The following PPM1E variants were observed in gnomAD, a reference collection of about 807,000 sequenced individuals.
PPM1E encodes protein phosphatase 1E.
In PPM1E, 20 loss-of-function variants were observed where a neutral mutation model predicts 65.9. The observed-to-expected ratio is 0.30, with a 90% CI of 0.21 to 0.44. The LOEUF is 0.44. Among genes scored for constraint, PPM1E ranks in the 20% least tolerant of loss-of-function variants. The pLI is 1.00. For missense variants in PPM1E, 713 were observed against 953.1 expected (o/e 0.75, Z 3.32); for synonymous variants, 352 against 374.9 (o/e 0.94, Z 0.70).
intron 1 of PPM1E, chr17:58,951,490 G>A (rs1029827078): frequency 6.6e-6 from 1 of 151,996 alleles, no homozygotes; most frequent in Non-Finnish European, 1.5e-5. Flanking sequence ...ACCAGTCTGG[G>A]CAACATGGTG....
At chr17:58,918,805 CAAAAAAAAA>C (rs71143301) in intron 1 of PPM1E, among the ~76,000 whole-genome samples, 5 of 75,822 alleles carry the variant, frequency 6.6e-5, no homozygotes, top group African/African-American at 2.2e-4. Context: ...GACTCCGTCT[CAAAAAAAAA>C]AAAAAAAAAA....
At chr17:58,823,710 G>A (rs1199157493) in intron 1 of PPM1E, among the ~76,000 whole-genome samples, 1 of 152,036 alleles carries the variant, frequency 6.6e-6, no homozygotes, top group Admixed American at 6.6e-5. Flanking sequence ...AAATATGGAC[G>A]AGGTGCAGAA....
At chr17:58,941,026 G>A (rs1234801520) in intron 1 of PPM1E, among the ~76,000 whole-genome samples, 1 of 152,088 alleles carries the variant, frequency 6.6e-6, no homozygotes, top group Non-Finnish European at 1.5e-5. Flanking sequence ...CATTTTTAAT[G>A]TAAATTTAAA....
chr17:58,826,808 T>A (rs1038062498), intron 1 of PPM1E, among the ~76,000 whole-genome samples: 4 of 152,014 alleles, frequency 2.6e-5, no homozygotes, highest in Admixed American at 1.3e-4. Flanking sequence ...TTTTTGTATT[T>A]TTAGTAGAGA....
intron 1 of PPM1E, among the ~76,000 whole-genome samples, chr17:58,830,594 C>T (rs1433161758): frequency 6.6e-6 from 1 of 152,130 alleles, no homozygotes; most frequent in East Asian, 1.9e-4. Flanking sequence ...GTGTGAACCA[C>T]TGCGCCCAGC....
chr17:58,871,077 C>G (rs898634349), intron 1 of PPM1E, among the ~76,000 whole-genome samples: 1 of 152,102 alleles, frequency 6.6e-6, no homozygotes. Context: ...CTCTGTCACC[C>G]AGGCTAGAGT....
In PPM1E at chr17:58,806,802, C is replaced by T. The variant is rs527282496; in HGVS notation, c.464+50341C>T. On this transcript the variant is annotated intron_variant, in intron 1 of 6. Transcript: ENST00000308249. ...GCAACCTCCACCTCCTGGGTTCAAGCGATTCTCCTGCCTCAGCCTCCAGAG... is the reference window on the plus strand; with the variant it reads ...GCAACCTCCACCTCCTGGGTTCAAGTGATTCTCCTGCCTCAGCCTCCAGAG... 3.1e-4 allele frequency among the ~76,000 whole-genome samples: 47 copies of T among 149,686 alleles called. 1 individual carries two copies. The East Asian group carries it at 8.3e-3, about 26-fold the overall frequency.
intron 1 of PPM1E, among the ~76,000 whole-genome samples, chr17:58,851,691 A>G (rs940792170): frequency 1.3e-4 from 20 of 152,220 alleles, no homozygotes; most frequent in African/African-American, 4.8e-4. Flanking sequence ...GTTGGCCCCT[A>G]CTGGGAGATG....
At chr17:58,891,506 G>T (rs1187511445) in intron 1 of PPM1E, among the ~76,000 whole-genome samples, 1 of 151,770 alleles carries the variant, frequency 6.6e-6, no homozygotes, top group African/African-American at 2.4e-5. Context: ...TATTTTTTTA[G>T]TAGAGACGGG....
chr17:58,787,576 C>T (rs1303697994), intron 1 of PPM1E, among the ~76,000 whole-genome samples: 1 of 152,020 alleles, frequency 6.6e-6, no homozygotes, highest in African/African-American at 2.4e-5. Context: ...AGAGAGTATA[C>T]ATAACCATAC....
At chr17:58,775,078 C>G (rs2049980450) in intron 1 of PPM1E, among the ~76,000 whole-genome samples, 1 of 152,100 alleles carries the variant, frequency 6.6e-6, no homozygotes, top group East Asian at 1.9e-4. Context: ...CTTGTGATCT[C>G]TTGATCACGT....
At chr17:58,900,446 C>G (rs1461413447) in intron 1 of PPM1E, among the ~76,000 whole-genome samples, 1 of 152,174 alleles carries the variant, frequency 6.6e-6, no homozygotes, top group Non-Finnish European at 1.5e-5. Context: ...TCTGAAGGCT[C>G]AGATGATTGT....
intron 1 of PPM1E, among the ~76,000 whole-genome samples, chr17:58,765,881 T>TG (rs1169106857): frequency 4.7e-5 from 7 of 149,550 alleles, no homozygotes; most frequent in Non-Finnish European, 1.0e-4. Flanking sequence ...TAGTTTCTTT[T>TG]TTTTTTTTTT....
At chr17:58,964,030 A>C (rs1218046406) in intron 2 of PPM1E, among the ~76,000 whole-genome samples, 2 of 152,262 alleles carry the variant, frequency 1.3e-5, no homozygotes, top group African/African-American at 4.8e-5. Context: ...TTTGAATACG[A>C]AAAGAGGTAA....
chr17:58,929,227 C>G (rs1336278745), intron 1 of PPM1E, among the ~76,000 whole-genome samples: 2 of 151,864 alleles, frequency 1.3e-5, no homozygotes, highest in Non-Finnish European at 2.9e-5. Context: ...CTATATGAAT[C>G]CATTCATACG....
intron 1 of PPM1E, among the ~76,000 whole-genome samples, chr17:58,946,589 G>A (rs1386938765): frequency 6.6e-6 from 1 of 152,220 alleles, no homozygotes; most frequent in East Asian, 1.9e-4. Flanking sequence ...CCAATTAGCT[G>A]GGACTACAGG....
chr17:58,842,713 T>G (rs1330607803), intron 1 of PPM1E, among the ~76,000 whole-genome samples: 2 of 133,610 alleles, frequency 1.5e-5, no homozygotes, highest in Non-Finnish European at 3.3e-5. Context: ...CCAAGGCGGG[T>G]GGATCACTTG....
rs536272356 is a variant in PPM1E, at chr17:58,919,551, C to T, written c.465-36098C>T. Among the ~76,000 whole-genome samples, 283 of 152,046 alleles carry T rather than the reference C, an allele frequency of 1.9e-3. 1 individual carries two copies. Among genetic ancestry groups the T allele is most frequent in the African/African-American group, 6.2e-3 (256 of 41,452 alleles). ...CTGTAATCCCAGCACTTTGGGAGGC[C>T]GAGATGGGAGGATCACCTGAGATCG... On this transcript the variant is annotated intron_variant, in intron 1 of 6. Coordinates refer to ENST00000308249, the MANE Select transcript of PPM1E (RefSeq NM_014906.5).
rs371024280 is a variant in PPM1E, at chr17:58,848,556, T to C, written c.464+92095T>C. Among the ~76,000 whole-genome samples the C allele has an allele frequency of 5.2e-4, 79 of 152,326 alleles. 1 individual carries two copies. In the South Asian group the frequency reaches 6.6e-3, roughly 13 times the overall value. ...CATGTGGTTTTTGTCTTTGGTTCTGTTTATGTGATGGATTATGTTTATTGA... is the reference window on the plus strand; with the variant it reads ...CATGTGGTTTTTGTCTTTGGTTCTGCTTATGTGATGGATTATGTTTATTGA... On this transcript the variant is annotated intron_variant, in intron 1 of 6. Coordinates refer to ENST00000308249, the MANE Select transcript of PPM1E (RefSeq NM_014906.5).
Sources: gnomAD v4.1 joint callset for allele counts (sites outside exome capture counted in the v4.1 genomes callset) on GRCh38, gnomAD v4.1.1 for gene constraint, MANE v1.5 for transcripts, NCBI Gene and HGNC (gene_info 2026-07-23, HGNC 2026-07-21) for gene names.